The following GULP1 variants were observed in gnomAD, a reference collection of about 807,000 sequenced individuals.
GULP1 encodes PTB domain-containing engulfment adapter protein 1.
GULP1 carries 19 observed loss-of-function variants against 40.9 expected under a neutral mutation model. That is an observed-to-expected ratio of 0.46 (90% CI 0.32 to 0.68). The LOEUF (loss-of-function observed/expected upper bound fraction) is 0.68. GULP1 is among the 30% of genes least tolerant of loss of function. The pLI is 0.03. For synonymous variants in GULP1, 119 were observed against 117.6 expected (o/e 1.01, Z -0.08); for missense variants, 312 against 362.2 (o/e 0.86, Z 1.12).
intron 1 of GULP1, among the ~76,000 whole-genome samples, chr2:188,297,243 C>T (rs1174988509): frequency 6.6e-6 from 1 of 151,774 alleles, no homozygotes; most frequent in Non-Finnish European, 1.5e-5. Context: ...AGATCTTCTA[C>T]CTACATTCTT....
At chr2:188,558,307 G>A (rs1321065965) in intron 7 of GULP1, among the ~76,000 whole-genome samples, 4 of 152,182 alleles carry the variant, frequency 2.6e-5, no homozygotes, top group Non-Finnish European at 4.4e-5. Flanking sequence ...TAGTGAATAA[G>A]TCTCATGAGA....
chr2:188,360,322 C>G (rs1180081192), intron 1 of GULP1, among the ~76,000 whole-genome samples: 2 of 152,092 alleles, frequency 1.3e-5, no homozygotes, highest in African/African-American at 4.8e-5. Flanking sequence ...CTATAGCTAC[C>G]TACTGTAGCT....
chr2:188,472,928 T>C (rs1428838888), intron 2 of GULP1, among the ~76,000 whole-genome samples: 1 of 152,190 alleles, frequency 6.6e-6, no homozygotes, highest in Non-Finnish European at 1.5e-5. Flanking sequence ...CCTGTCCTTC[T>C]TGGGAAAGCT....
At chr2:188,310,648 G>A (rs1227947398) in intron 1 of GULP1, among the ~76,000 whole-genome samples, 2 of 152,156 alleles carry the variant, frequency 1.3e-5, no homozygotes, top group Non-Finnish European at 2.9e-5. Flanking sequence ...ATACCATTTG[G>A]AAGTAGGGGG....
chr2:188,420,862 G>C (rs1044725921), intron 2 of GULP1, among the ~76,000 whole-genome samples: 1 of 152,144 alleles, frequency 6.6e-6, no homozygotes, highest in Non-Finnish European at 1.5e-5. Flanking sequence ...ATCTAGAGTG[G>C]TAGCTCGGTT....
At chr2:188,586,106 T>C (rs1559408971) in intron 10 of GULP1, among the ~76,000 whole-genome samples, 1 of 152,178 alleles carries the variant, frequency 6.6e-6, no homozygotes, top group Non-Finnish European at 1.5e-5. Flanking sequence ...CACAGATCTC[T>C]AGGGCAGGGG....
chr2:188,419,789 A>G (rs1035531486), intron 2 of GULP1, among the ~76,000 whole-genome samples: 12 of 152,070 alleles, frequency 7.9e-5, no homozygotes, highest in African/African-American at 2.9e-4. Flanking sequence ...CAATGTAATG[A>G]AGCTTTTCTC....
At chr2:188,361,012 T>G (rs571086022) in intron 1 of GULP1, among the ~76,000 whole-genome samples, 5 of 152,220 alleles carry the variant, frequency 3.3e-5, no homozygotes, top group African/African-American at 1.2e-4. Flanking sequence ...ATTAGCAATT[T>G]AAAGCTCTTT....
At chr2:188,309,918 A>T (rs1302591621) in intron 1 of GULP1, among the ~76,000 whole-genome samples, 1 of 152,218 alleles carries the variant, frequency 6.6e-6, no homozygotes, top group Non-Finnish European at 1.5e-5. Flanking sequence ...GTCAGAGAAG[A>T]GTGGACTTAT....
At chr2:188,348,901 G>A (rs933193456) in intron 1 of GULP1, among the ~76,000 whole-genome samples, 2 of 152,124 alleles carry the variant, frequency 1.3e-5, no homozygotes, top group South Asian at 2.1e-4. Flanking sequence ...AGTATGAACC[G>A]ATTTTGCAAA....
At chr2:188,568,885 G>T (rs1056714500) in intron 7 of GULP1, among the ~76,000 whole-genome samples, 2 of 152,062 alleles carry the variant, frequency 1.3e-5, no homozygotes, top group Admixed American at 1.3e-4. Flanking sequence ...CATTTCATAG[G>T]CACTAAATAT....
chr2:188,364,717 A>G (rs992908700), intron 1 of GULP1, among the ~76,000 whole-genome samples: 3 of 148,690 alleles, frequency 2.0e-5, no homozygotes, highest in Non-Finnish European at 3.0e-5. Context: ...GTGTGTGTGT[A>G]TGTATATATC....
chr2:188,566,285 GTAA>G (rs1367263787), intron 7 of GULP1, among the ~76,000 whole-genome samples: 1 of 152,066 alleles, frequency 6.6e-6, no homozygotes, highest in South Asian at 2.1e-4. Flanking sequence ...GTATTGTGGG[GTAA>G]TAATAATCCT....
intron 2 of GULP1, among the ~76,000 whole-genome samples, chr2:188,411,199 G>A (rs971218010): frequency 1.3e-5 from 2 of 152,180 alleles, no homozygotes; most frequent in Non-Finnish European, 2.9e-5. Context: ...AGACTGACAA[G>A]CAAAATATCT....
chr2:188,592,914 A>G (rs1422749517), intron 11 of GULP1: 1 of 152,138 alleles, frequency 6.6e-6, no homozygotes, highest in East Asian at 1.9e-4. Flanking sequence ...TTCTTTAGGA[A>G]TACACTGCTA....
intron 1 of GULP1, among the ~76,000 whole-genome samples, chr2:188,366,269 A>G (rs2046771605): frequency 6.7e-6 from 1 of 148,976 alleles, no homozygotes; most frequent in African/African-American, 2.6e-5. Context: ...CCATAAAAAC[A>G]AAAACCAAGA....
rs148268281 is a variant in GULP1, at chr2:188,411,198, A to G, written c.-45+27309A>G. On this transcript the variant is annotated intron_variant, in intron 2 of 11. Coordinates refer to ENST00000409830, the MANE Select transcript of GULP1 (RefSeq NM_016315.4). ...CCCGGGACCCTCAGCCAGACTGACA[A>G]GCAAAATATCTGTGTCAGCGTATGT... Among the ~76,000 whole-genome samples the G allele has an allele frequency of 5.8e-3, 890 of 152,252 alleles. 1 individual carries two copies. Among genetic ancestry groups the G allele is most frequent in the Middle Eastern group, 0.017 (5 of 294 alleles).
chr2:188,511,122 G>C (rs2064491001), intron 4 of GULP1, among the ~76,000 whole-genome samples: 1 of 152,164 alleles, frequency 6.6e-6, no homozygotes. Context: ...ATGAAAGGCA[G>C]AGTGAAACAG....
chr2:188,507,396 CTTTTTTTT>C (rs5837091), intron 4 of GULP1, among the ~76,000 whole-genome samples: 12 of 103,532 alleles, frequency 1.2e-4, no homozygotes, highest in South Asian at 6.4e-4. Context: ...CATTTGTTTT[CTTTTTTTT>C]TTTTTTTTTT....
Sources: allele counts gnomAD v4.1 joint callset (sites outside exome capture counted in the v4.1 genomes callset), GRCh38; gene constraint gnomAD v4.1.1; transcripts MANE v1.5; gene names NCBI Gene and HGNC (gene_info 2026-07-23, HGNC 2026-07-21).